The following USH2A variants were observed in gnomAD, a reference collection of about 807,000 sequenced individuals.
USH2A encodes the protein usherin, also known as Usher syndrome 2A (autosomal recessive, mild).
In USH2A, 443 loss-of-function variants were observed where a neutral mutation model predicts 538.9. The ratio of observed to expected loss-of-function variants is 0.82; its 90% CI spans 0.76 to 0.89. USH2A has a LOEUF of 0.89. USH2A is among the 40% of genes least tolerant of loss of function. The pLI is 0.00. For missense variants in USH2A, 6,633 were observed against 6,324.8 expected, an observed-to-expected ratio of 1.05 and a Z score of -1.65; for synonymous variants, 2,413 against 2,273.5, an observed-to-expected ratio of 1.06 and a Z score of -1.75.
chr1:215,899,483 A>G (rs1571793953), intron 40 of USH2A, among the ~76,000 whole-genome samples: 1 of 152,364 alleles, frequency 6.6e-6, no homozygotes, highest in Non-Finnish European at 1.5e-5. Context: ...ATTCCCAAAT[A>G]TAATCTAGCA....
At chr1:215,984,904 A>T (rs1294572629) in intron 35 of USH2A, among the ~76,000 whole-genome samples, 1 of 152,226 alleles carries the variant, frequency 6.6e-6, no homozygotes, top group Non-Finnish European at 1.5e-5. Context: ...TGATCCTTCA[A>T]TTAAAAAGGA....
intron 24 of USH2A, 96 bp downstream of exon 24, chr1:216,086,623 A>T: frequency 9.5e-7 from 1 of 1,048,432 alleles, no homozygotes; most frequent in Middle Eastern, 2.9e-4. Context: ...ATATAGCATG[A>T]GGTAGAACAT....
chr1:215,883,424 T>C (rs1664969366), intron 41 of USH2A, among the ~76,000 whole-genome samples: 1 of 151,804 alleles, frequency 6.6e-6, no homozygotes, highest in African/African-American at 2.4e-5. Flanking sequence ...TAGCTACATA[T>C]AGCTATCTTT....
chr1:216,222,730 G>C (rs1240501072), intron 14 of USH2A, among the ~76,000 whole-genome samples: 1 of 152,178 alleles, frequency 6.6e-6, no homozygotes, highest in Non-Finnish European at 1.5e-5. Flanking sequence ...TGTAATCCCA[G>C]CACTTTGGGA....
intron 11 of USH2A, among the ~76,000 whole-genome samples, chr1:216,256,157 T>C (rs1163322008): frequency 6.6e-6 from 1 of 152,098 alleles, no homozygotes; most frequent in Non-Finnish European, 1.5e-5. Context: ...AAGCAGCATA[T>C]AGTTAAGTTG....
At chr1:216,047,144 A>G (rs977949162) in intron 31 of USH2A, among the ~76,000 whole-genome samples, 10 of 152,044 alleles carry the variant, frequency 6.6e-5, no homozygotes, top group Admixed American at 3.9e-4. Flanking sequence ...TTTTTTTTAA[A>G]TTTTCCTAAA....
At chr1:216,243,393 A>G (rs1419461892) in intron 13 of USH2A, among the ~76,000 whole-genome samples, 1 of 152,208 alleles carries the variant, frequency 6.6e-6, no homozygotes, top group Non-Finnish European at 1.5e-5. Flanking sequence ...TTTTAGGTGT[A>G]GGACATTCCT....
At chr1:215,768,150 A>G (rs757378870) in intron 55 of USH2A, among the ~76,000 whole-genome samples, 1 of 152,154 alleles carries the variant, frequency 6.6e-6, no homozygotes, top group Non-Finnish European at 1.5e-5. Context: ...CACTTTATCT[A>G]AACAATCCAC....
chr1:216,057,596 A>G (rs1045902775), intron 30 of USH2A, among the ~76,000 whole-genome samples: 1 of 152,166 alleles, frequency 6.6e-6, no homozygotes, highest in African/African-American at 2.4e-5. Flanking sequence ...CTGAGACAGG[A>G]GAATTGCTTG....
chr1:216,077,983 G>A (rs1271796433), intron 27 of USH2A, 106 bp downstream of exon 27: 11 of 1,369,746 alleles, frequency 8.0e-6, no homozygotes, highest in African/African-American at 7.2e-5. Flanking sequence ...GCTGTTGGGT[G>A]CTGCTTTTAG....
intron 22 of USH2A, among the ~76,000 whole-genome samples, chr1:216,094,329 C>T (rs17026070): frequency 0.04 from 6,038 of 152,084 alleles, 418 homozygotes; most frequent in African/African-American, 0.14. Flanking sequence ...ATTTATTTAA[C>T]GAAAACAAAA....
chr1:215,693,317 A>T (rs754553710), intron 61 of USH2A, among the ~76,000 whole-genome samples: 2 of 151,866 alleles, frequency 1.3e-5, no homozygotes, highest in Non-Finnish European at 2.9e-5. Context: ...CCTAAGGTAG[A>T]TTATTTGTGA....
intron 47 of USH2A, among the ~76,000 whole-genome samples, chr1:215,827,507 C>A (rs1298319255): frequency 6.6e-6 from 1 of 152,124 alleles, no homozygotes; most frequent in African/African-American, 2.4e-5. Context: ...TATATTCTGT[C>A]TTTCTGTTTA....
intron 21 of USH2A, among the ~76,000 whole-genome samples, chr1:216,115,173 T>C (rs1323591932): frequency 6.6e-6 from 1 of 152,096 alleles, no homozygotes; most frequent in Non-Finnish European, 1.5e-5. Flanking sequence ...TTCTCTGTTG[T>C]AAGGCTTGAG....
intron 3 of USH2A, among the ~76,000 whole-genome samples, chr1:216,416,161 T>C (rs2102780419): frequency 6.6e-6 from 1 of 152,056 alleles, no homozygotes; most frequent in African/African-American, 2.4e-5. Context: ...GGAGAAACTC[T>C]GTCTCAAAAA....
chr1:215,640,634 G>T lies in USH2A; in HGVS notation c.14892C>A (p.Tyr4964Ter), dbSNP rs149877542. 1.2e-6 allele frequency: 2 copies of T among 1,613,740 alleles called. No homozygotes were observed. The highest frequency in any genetic ancestry group is 2.2e-5 in the East Asian group (1 of 44,856). ...CGCGTCGCCCTCCGTCGGTTAACAC[G>T]TACTCCTTCAGTTGGCCGTTCAGGA... ...TFLLNGQLKE[Y>*]VLTDGGRRVY... The change falls in exon 68 of 72, where the codon TAC becomes TAA. Residue 4964 changes from tyrosine (Y) to a stop codon, truncating the protein, a stop_gained. Transcript: ENST00000307340. LOFTEE classifies it high-confidence loss of function.
intron 62 of USH2A, among the ~76,000 whole-genome samples, chr1:215,678,807 C>T (rs1658127294): frequency 1.3e-5 from 2 of 152,100 alleles, no homozygotes; most frequent in African/African-American, 4.8e-5. Context: ...AAGTATATGG[C>T]ACTTAGTAGA....
chr1:216,016,034 T>A (rs1219557775), intron 32 of USH2A, among the ~76,000 whole-genome samples: 1 of 152,126 alleles, frequency 6.6e-6, no homozygotes, highest in Non-Finnish European at 1.5e-5. Context: ...TGAGTTCATG[T>A]CCTTTGCAGG....
At chr1:216,245,447 AAG>A (rs1176627394) in intron 13 of USH2A, among the ~76,000 whole-genome samples, 1 of 132,632 alleles carries the variant, frequency 7.5e-6, no homozygotes. Context: ...CATGTAGAGA[AAG>A]AGAGAGGTAA....
Sources: gnomAD v4.1 joint callset for allele counts (sites outside exome capture counted in the v4.1 genomes callset) on GRCh38, gnomAD v4.1.1 for gene constraint, MANE v1.5 for transcripts, NCBI Gene and HGNC (gene_info 2026-07-23, HGNC 2026-07-21) for gene names.